The following GTF2A1L variants were observed in gnomAD, a reference collection of about 807,000 sequenced individuals.
GTF2A1L encodes the protein TFIIA-alpha and beta-like factor.
GTF2A1L carries 48 observed loss-of-function variants against 49.7 expected under a neutral mutation model. The ratio of observed to expected loss-of-function variants is 0.97; its 90% CI spans 0.77 to 1.23. GTF2A1L has a LOEUF of 1.23. Among genes scored for constraint, GTF2A1L ranks in the 50% most tolerant of loss-of-function variants. The probability of loss-of-function intolerance (pLI) is 0.00; values close to 1 mark genes in which losing one functional copy is unlikely to be tolerated. For missense variants in GTF2A1L, 736 were observed against 564.8 expected, an observed-to-expected ratio of 1.30 and a Z score of -3.07; for synonymous variants, 246 against 193.5, an observed-to-expected ratio of 1.27 and a Z score of -2.25.
chr2:48,638,839 A>G (rs1402857425), intron 3 of GTF2A1L, among the ~76,000 whole-genome samples: 1 of 152,194 alleles, frequency 6.6e-6, no homozygotes, highest in African/African-American at 2.4e-5. Flanking sequence ...GTCTCGGCCG[A>G]AAAGCTCCTT....
intron 6 of GTF2A1L, among the ~76,000 whole-genome samples, chr2:48,669,475 T>G (rs918389063): frequency 6.6e-6 from 1 of 152,208 alleles, no homozygotes; most frequent in Non-Finnish European, 1.5e-5. Context: ...TACCTGAAAG[T>G]AATAAACTCA....
chr2:48,623,347 A>G (rs1311813712), intron 3 of GTF2A1L, among the ~76,000 whole-genome samples: 1 of 152,194 alleles, frequency 6.6e-6, no homozygotes, highest in Non-Finnish European at 1.5e-5. Context: ...CCATCTTAAA[A>G]CTTGTTTGCT....
intron 6 of GTF2A1L, among the ~76,000 whole-genome samples, chr2:48,666,686 A>T (rs1349104694): frequency 1.3e-5 from 2 of 151,320 alleles, no homozygotes; most frequent in African/African-American, 4.9e-5. Context: ...TTGCTGTGTC[A>T]CATCTACTGA....
intron 3 of GTF2A1L, among the ~76,000 whole-genome samples, chr2:48,634,407 C>G (rs1676771260): frequency 6.6e-6 from 1 of 152,120 alleles, no homozygotes; most frequent in African/African-American, 2.4e-5. Flanking sequence ...CACTGTGTCT[C>G]TGGCTGATAT....
chr2:48,637,910 A>T (rs1199963327), intron 3 of GTF2A1L, among the ~76,000 whole-genome samples: 1 of 152,174 alleles, frequency 6.6e-6, no homozygotes. Flanking sequence ...CACTGACCCC[A>T]CAGAAATAAA....
At chr2:48,648,943 T>C (rs2104212173) in intron 6 of GTF2A1L, among the ~76,000 whole-genome samples, 1 of 152,298 alleles carries the variant, frequency 6.6e-6, no homozygotes, top group Admixed American at 6.5e-5. Context: ...TAGTTTTTCT[T>C]TTTATAAGTA....
intron 1 of GTF2A1L, among the ~76,000 whole-genome samples, chr2:48,620,152 G>A (rs1675900478): frequency 6.6e-6 from 1 of 152,132 alleles, no homozygotes; most frequent in South Asian, 2.1e-4. Context: ...TTGATAAAGA[G>A]GTAAATTGAA....
intron 3 of GTF2A1L, among the ~76,000 whole-genome samples, chr2:48,628,860 GAACTTTAACCCATCTTTGTAACT>G (rs1676431034): frequency 6.9e-6 from 1 of 144,002 alleles, no homozygotes; most frequent in Non-Finnish European, 1.6e-5. Context: ...CTTACATTTA[GAACTTTAACCCATCTTTGTAACT>G]GAATGCAAGT....
chr2:48,619,929 G>A (rs141591010), intron 1 of GTF2A1L, among the ~76,000 whole-genome samples: 1,759 of 152,226 alleles, frequency 0.012, 38 homozygotes, highest in African/African-American at 0.04. Context: ...AAGGTTGTTC[G>A]TGCCCTTCTT....
chr2:48,644,419 C>T (rs1357233930), intron 4 of GTF2A1L, among the ~76,000 whole-genome samples: 1 of 152,170 alleles, frequency 6.6e-6, no homozygotes, highest in Non-Finnish European at 1.5e-5. Flanking sequence ...GTGGATGCAG[C>T]ACAGTTTAAT....
chr2:48,621,315 A>G, intron 3 of GTF2A1L, 25 bp downstream of exon 3: 2 of 1,613,868 alleles, frequency 1.2e-6, no homozygotes, highest in Middle Eastern at 1.7e-4. Context: ...GTAAATGAGT[A>G]CTGTTAGTAT....
Position 48,640,241 on chromosome 2 carries a change from C to T in GTF2A1L, c.248-2161C>T, listed in dbSNP as rs542082436. ...AAGCATTCTACCATAAAGACGCATGCGAATGTTCATTACAGCACTTTTCAC... is the reference window on the plus strand; with the variant it reads ...AAGCATTCTACCATAAAGACGCATGTGAATGTTCATTACAGCACTTTTCAC... On this transcript the variant is annotated intron_variant, in intron 3 of 8. Coordinates refer to ENST00000403751, the MANE Select transcript of GTF2A1L (RefSeq NM_006872.5). Among the ~76,000 whole-genome samples, 3 of 152,164 alleles carry T rather than the reference C, an allele frequency of 2.0e-5. No homozygotes were observed. In the South Asian group the frequency reaches 6.2e-4, roughly 32 times the overall value.
chr2:48,625,835 G>C (rs573845929), intron 3 of GTF2A1L, among the ~76,000 whole-genome samples: 1 of 143,374 alleles, frequency 7.0e-6, no homozygotes, highest in Non-Finnish European at 1.6e-5. Flanking sequence ...CTCCTGCCTC[G>C]GCCTCCCAAA....
rs560074256 is a variant in GTF2A1L, at chr2:48,621,371, G to T, written c.247+81G>T. ...TGGGAATGTTTTTCAGTTAGACAGG[G>T]TAATGTTCTTAGGGTGAGAAGGCTT... On this transcript the variant is annotated intron_variant, in intron 3 of 8. Transcript: ENST00000403751. The T allele has an allele frequency of 1.1e-5, 17 of 1,595,554 alleles. No individual in the cohort carries two copies. The South Asian group carries it at 1.4e-4, about 13-fold the overall frequency.
chr2:48,621,081 T>C, intron 2 of GTF2A1L, 86 bp from the exon 3 acceptor site: 1 of 1,523,536 alleles, frequency 6.6e-7, no homozygotes, highest in African/African-American at 1.4e-5. Context: ...AGGATGACGT[T>C]AGTTTTTAAG....
In GTF2A1L at chr2:48,679,426, G is replaced by A; in HGVS notation, c.1421G>A (p.Gly474Asp). 2.5e-6 allele frequency: 4 copies of A among 1,612,482 alleles called. No individual in the cohort carries two copies. The highest frequency in any genetic ancestry group is 3.4e-6 in the Non-Finnish European group (4 of 1,178,950). The change falls in exon 9 of 9, where the codon GGT (glycine) becomes GAT (aspartate). Residue 474 changes from glycine (G) to aspartate (D), a missense_variant. Gly to Asp is a moderately conservative substitution (Grantham distance 94, BLOSUM62 -1). Transcript: ENST00000403751. ...GACTATGTATTTGCAAAAGCCATTGGTGATGCAGAGTGGTAAACCTTGTGA... is the reference window on the plus strand; with the variant it reads ...GACTATGTATTTGCAAAAGCCATTGATGATGCAGAGTGGTAAACCTTGTGA... ...GRDYVFAKAI[G>D]DAEW
chr2:48,670,153 G>C (rs1394554695), intron 7 of GTF2A1L, among the ~76,000 whole-genome samples, 171 bp downstream of exon 7: 1 of 152,190 alleles, frequency 6.6e-6, no homozygotes. Context: ...AGCACTTCAG[G>C]AGGCTGAGGC....
intron 6 of GTF2A1L, among the ~76,000 whole-genome samples, chr2:48,667,975 C>A (rs1338204975): frequency 6.6e-6 from 1 of 152,090 alleles, no homozygotes; most frequent in Non-Finnish European, 1.5e-5. Context: ...CTGTTAGGAG[C>A]CTTCTTGACT....
intron 6 of GTF2A1L, among the ~76,000 whole-genome samples, chr2:48,647,946 G>C (rs1677619278): frequency 6.6e-6 from 1 of 152,058 alleles, no homozygotes; most frequent in South Asian, 2.1e-4. Flanking sequence ...TTTTGCTCCA[G>C]CTAGTGGTTT....
Sources: gnomAD v4.1 joint callset for allele counts (sites outside exome capture counted in the v4.1 genomes callset) on GRCh38, gnomAD v4.1.1 for gene constraint, MANE v1.5 for transcripts, NCBI Gene and HGNC (gene_info 2026-07-23, HGNC 2026-07-21) for gene names.